Variants in GRM1 observed in about 807,000 individuals in gnomAD.
GRM1 encodes the protein glutamate metabotropic receptor 1, also known as metabotropic glutamate receptor 1.
A neutral mutation model predicts 90.9 loss-of-function variants in GRM1; 33 were observed. That is an observed-to-expected ratio of 0.36 (90% CI 0.28 to 0.49). The LOEUF (loss-of-function observed/expected upper bound fraction) is 0.49, where lower values mean the gene tolerates loss of function less well. Ranked by LOEUF, GRM1 falls within the 20% of genes least tolerant of loss-of-function variation. The pLI is 0.99. For synonymous variants in GRM1, 700 were observed against 613.2 expected (o/e 1.14, Z -2.09); for missense variants, 1,190 against 1,534.3 (o/e 0.78, Z 3.75).
chr6:146,240,671 G>C (rs1478309959), intron 2 of GRM1, among the ~76,000 whole-genome samples: 2 of 152,142 alleles, frequency 1.3e-5, no homozygotes, highest in African/African-American at 4.8e-5. Flanking sequence ...GGATGAAGAA[G>C]GATGGAGAAG....
intron 1 of GRM1, among the ~76,000 whole-genome samples, chr6:146,091,446 C>A (rs1327086587): frequency 6.6e-6 from 1 of 152,008 alleles, no homozygotes; most frequent in African/African-American, 2.4e-5. Flanking sequence ...AGATGTGTGA[C>A]ATTGAAGCTG....
intron 4 of GRM1, among the ~76,000 whole-genome samples, chr6:146,356,487 C>T (rs1054965377): frequency 1.3e-5 from 2 of 152,090 alleles, no homozygotes; most frequent in Non-Finnish European, 2.9e-5. Context: ...TCCTCATGGC[C>T]TAATCACCTC....
Position 146,281,182 on chromosome 6 carries a change from T to C in GRM1, c.951-23429T>C, listed in dbSNP as rs567451981. Among the ~76,000 whole-genome samples, 3 of 152,324 alleles carry C rather than the reference T, an allele frequency of 2.0e-5. No individual in the cohort carries two copies. In the East Asian group the frequency reaches 5.8e-4, roughly 29 times the overall value. ...TCTTGATGGTAATTTGTTTTGAGCCTAACTTTTGTGATTGCTAATTTCATT... is the reference window on the plus strand; with the variant it reads ...TCTTGATGGTAATTTGTTTTGAGCCCAACTTTTGTGATTGCTAATTTCATT... On this transcript the variant is annotated intron_variant, in intron 2 of 7. Transcript: ENST00000282753.
chr6:146,153,717 A>C (rs1057285937), intron 1 of GRM1, among the ~76,000 whole-genome samples: 5 of 152,180 alleles, frequency 3.3e-5, no homozygotes, highest in African/African-American at 9.7e-5. Context: ...TGATCTGTGC[A>C]GCAAACCACC....
intron 5 of GRM1, among the ~76,000 whole-genome samples, chr6:146,370,942 G>T (rs971846713): frequency 7.2e-5 from 11 of 151,966 alleles, no homozygotes; most frequent in African/African-American, 2.7e-4. Flanking sequence ...ATTATACTTT[G>T]TCGGTGATAA....
At chr6:146,374,959 T>C (rs1026875794) in intron 5 of GRM1, among the ~76,000 whole-genome samples, 4 of 152,170 alleles carry the variant, frequency 2.6e-5, no homozygotes, top group African/African-American at 9.6e-5. Flanking sequence ...CACTGTTAGA[T>C]TGTTCATTTA....
intron 1 of GRM1, among the ~76,000 whole-genome samples, chr6:146,140,641 G>A (rs1023451357): frequency 1.3e-5 from 2 of 152,134 alleles, no homozygotes; most frequent in Non-Finnish European, 2.9e-5. Flanking sequence ...ATTTTAAACG[G>A]ATGAAAACTT....
At position 146,280,074 on chromosome 6, in the gene GRM1, A is replaced by G. The variant is rs372791481; in HGVS notation, c.951-24537A>G. Among the ~76,000 whole-genome samples, 19 of 152,102 alleles carry G rather than the reference A, an allele frequency of 1.2e-4. No homozygotes were observed. The East Asian group carries it at 2.9e-3, about 23-fold the overall frequency. ...TGACAAGTTTCATCATTATTCATTC[A>G]AATACTTTTTTCATTCTAATTGCTC... is the stretch of plus-strand genomic sequence containing the variant. On this transcript the variant is annotated intron_variant, in intron 2 of 7. Coordinates refer to ENST00000282753, the MANE Select transcript of GRM1 (RefSeq NM_001278064.2).
intron 1 of GRM1, among the ~76,000 whole-genome samples, chr6:146,092,492 A>G (rs1776746763): frequency 6.6e-6 from 1 of 152,110 alleles, no homozygotes; most frequent in African/African-American, 2.4e-5. Flanking sequence ...TATTATCTTT[A>G]GAGATTAGAC....
At chr6:146,048,162 A>G (rs1018414492) in intron 1 of GRM1, among the ~76,000 whole-genome samples, 2 of 152,018 alleles carry the variant, frequency 1.3e-5, no homozygotes, top group Non-Finnish European at 2.9e-5. Context: ...GTAAGGTCTG[A>G]TATGGGGTTA....
chr6:146,312,687 C>T (rs911488232), intron 3 of GRM1, among the ~76,000 whole-genome samples: 1 of 152,184 alleles, frequency 6.6e-6, no homozygotes, highest in Non-Finnish European at 1.5e-5. Context: ...TTCTATTTTC[C>T]TAACTCCACA....
chr6:146,075,299 A>C (rs987915260), intron 1 of GRM1, among the ~76,000 whole-genome samples: 1 of 152,218 alleles, frequency 6.6e-6, no homozygotes, highest in African/African-American at 2.4e-5. Context: ...TATTTATTTA[A>C]CAAATTATTA....
rs117499282 is a variant in GRM1 at position 146,073,313 on chromosome 6, A to G, written c.700+43096A>G. On this transcript the variant is annotated intron_variant, in intron 1 of 7. Transcript: ENST00000282753. ...GGCTTAAGAAGTCAAAACATTTTCA[A>G]TGTGGGTTAGAACACACATAGTTAA... Among the ~76,000 whole-genome samples the G allele has an allele frequency of 7.9e-3, 1,207 of 152,220 alleles. 6 individuals carry two copies. The highest frequency in any genetic ancestry group is 0.013 in the Non-Finnish European group (867 of 68,020).
chr6:146,087,017 G>A (rs184786951), intron 1 of GRM1, among the ~76,000 whole-genome samples: 23 of 151,984 alleles, frequency 1.5e-4, no homozygotes, highest in Admixed American at 2.0e-4. Context: ...ATTATCTTTC[G>A]TCTGAAATTC....
intron 1 of GRM1, among the ~76,000 whole-genome samples, chr6:146,133,151 T>C (rs1344990093): frequency 6.6e-6 from 1 of 152,168 alleles, no homozygotes; most frequent in Non-Finnish European, 1.5e-5. Flanking sequence ...AAATCAACAA[T>C]ACCTATGTGG....
intron 2 of GRM1, among the ~76,000 whole-genome samples, chr6:146,218,383 G>T (rs1342799514): frequency 6.6e-6 from 1 of 152,126 alleles, no homozygotes; most frequent in Admixed American, 6.6e-5. Flanking sequence ...TATTTTTGAA[G>T]CAGAAAGTCA....
Position 146,357,693 on chromosome 6 carries a change from A to G in GRM1, c.1601A>G (p.Lys534Arg), listed in dbSNP as rs1785639646. ...GAGCCTTGCTTAAAGGGCCAGATTA[A>G]GGTAAGCCACAAATGCATTCTTGCA... ...CSEPCLKGQI[K>R]VIRKGEVSCC... Residue 534 changes from lysine to arginine, a missense_variant and splice_region_variant, in exon 5 of 8, where the codon AAG becomes AGG. By Grantham distance (26) the Lys-to-Arg change is conservative. Around this residue, in one of 10 missense-constraint regions of GRM1, gnomAD observed 414 missense variants for 598.4 expected, o/e 0.69. Transcript: ENST00000282753. The G allele has an allele frequency of 6.2e-7, 1 of 1,613,202 alleles. No homozygotes were observed. The highest frequency in any genetic ancestry group is 8.5e-7 in the Non-Finnish European group (1 of 1,179,166).
chr6:146,431,447 G>A lies in GRM1; in HGVS notation c.2661-2425G>A, dbSNP rs1583490801. On this transcript the variant is annotated intron_variant, in intron 7 of 7. Coordinates refer to ENST00000282753, the MANE Select transcript of GRM1 (RefSeq NM_001278064.2). Reference sequence around the variant, plus strand: ...AAACAGCCCATGTGAATGAGTGGGTGAAGTGGATCACATTAGGGCTTTCAG... The same window carrying A: ...AAACAGCCCATGTGAATGAGTGGGTAAAGTGGATCACATTAGGGCTTTCAG... Among the ~76,000 whole-genome samples, 7 of 152,308 alleles carry A rather than the reference G, an allele frequency of 4.6e-5. No homozygotes were observed. In the South Asian group the frequency reaches 1.4e-3, roughly 32 times the overall value.
At chr6:146,088,616 T>C (rs1048906463) in intron 1 of GRM1, among the ~76,000 whole-genome samples, 1 of 152,130 alleles carries the variant, frequency 6.6e-6, no homozygotes, top group Non-Finnish European at 1.5e-5. Context: ...TTTTAAGTCT[T>C]ACCAGGATGC....
Sources: allele counts gnomAD v4.1 joint callset (sites outside exome capture counted in the v4.1 genomes callset), GRCh38; gene constraint gnomAD v4.1.1; regional missense constraint gnomAD v4.1.1; transcripts MANE v1.5; gene names NCBI Gene and HGNC (gene_info 2026-07-23, HGNC 2026-07-21).